Variants in ATP6V0A2 observed in about 807,000 individuals in gnomAD.
ATP6V0A2 encodes V-type proton ATPase 116 kDa subunit a 2.
A neutral mutation model predicts 104.4 loss-of-function variants in ATP6V0A2; 58 were observed. The ratio of observed to expected loss-of-function variants is 0.56; its 90% CI spans 0.45 to 0.69. ATP6V0A2 has a LOEUF of 0.69. ATP6V0A2 is among the 30% of genes least tolerant of loss of function. The probability of loss-of-function intolerance (pLI) is 0.00; values close to 1 mark genes in which losing one functional copy is unlikely to be tolerated. For missense variants in ATP6V0A2, 938 were observed against 1,062.9 expected (o/e 0.88, Z 1.63); for synonymous variants, 376 against 397.9 (o/e 0.95, Z 0.65).
chr12:123,742,451 G>A (rs1202945633), intron 9 of ATP6V0A2, among the ~76,000 whole-genome samples: 1 of 152,168 alleles, frequency 6.6e-6, no homozygotes, highest in Non-Finnish European at 1.5e-5. Flanking sequence ...CTAGCTGGTT[G>A]CACTTTCTGT....
At chr12:123,714,162 T>C (rs991272836) in intron 1 of ATP6V0A2, among the ~76,000 whole-genome samples, 5 of 152,232 alleles carry the variant, frequency 3.3e-5, no homozygotes, top group Non-Finnish European at 5.9e-5. Context: ...ACTTCAGTCT[T>C]ACAGGTTTGA....
At position 123,744,501 on chromosome 12, in the gene ATP6V0A2, T is replaced by G; in HGVS notation, c.1327-96T>G. 6.3e-7 allele frequency: 1 copy of G among 1,583,396 alleles called. No homozygotes were observed. The highest frequency in any genetic ancestry group is 1.1e-5 in the South Asian group (1 of 90,188). ...GGATGTCTGCGGGGCGAGGCTGTTT[T>G]CTGAGAAGTGAGTGGTGAGGGTCGT... On this transcript the variant is annotated intron_variant, in intron 11 of 19. Coordinates refer to ENST00000330342, the MANE Select transcript of ATP6V0A2 (RefSeq NM_012463.4). This position sits in a 1 kb window ranked among gnomAD's most constrained non-coding sequence, Gnocchi z 5.4.
intron 1 of ATP6V0A2, among the ~76,000 whole-genome samples, chr12:123,715,635 A>C (rs1014600966): frequency 2.0e-5 from 3 of 152,232 alleles, no homozygotes; most frequent in Admixed American, 6.5e-5. Flanking sequence ...AAATTGTTGA[A>C]GTATGAAAGT....
intron 9 of ATP6V0A2, among the ~76,000 whole-genome samples, chr12:123,741,302 T>A (rs1956606802): frequency 6.6e-6 from 1 of 151,858 alleles, no homozygotes; most frequent in South Asian, 2.1e-4. Flanking sequence ...AGAAAAAAAA[T>A]TAGCCAGGCA....
intron 5 of ATP6V0A2, 32 bp downstream of exon 5, chr12:123,726,317 A>G: frequency 6.7e-7 from 1 of 1,491,974 alleles, no homozygotes; most frequent in Non-Finnish European, 9.4e-7. Flanking sequence ...GTCAGGCTTC[A>G]TACTGCCCTT....
rs1341702953 is a variant in ATP6V0A2 at position 123,722,349 on chromosome 12, A to G, written c.197-2A>G. On this transcript the variant is annotated splice_acceptor_variant, in intron 2 of 19. Coordinates refer to ENST00000330342, the MANE Select transcript of ATP6V0A2 (RefSeq NM_012463.4). LOFTEE classifies it high-confidence loss of function. ...CTAATTGTTTAACTTTTATTTTCAC[A>G]GTGTATTTGGTACAGGAAATTAATA... 1 of 1,568,620 alleles carries G rather than the reference A, an allele frequency of 6.4e-7. No individual in the cohort carries two copies. Among genetic ancestry groups the G allele is most frequent in the Non-Finnish European group, 8.8e-7 (1 of 1,138,460 alleles).
intron 15 of ATP6V0A2, chr12:123,750,792 T>G: frequency 7.9e-6 from 3 of 377,384 alleles, no homozygotes; most frequent in South Asian, 6.7e-5. Context: ...CTGCTTGTGC[T>G]TATACTTTCT....
chr12:123,744,756 G>C lies in ATP6V0A2; in HGVS notation c.1486G>C (p.Ala496Pro). The change falls in exon 12 of 20, where the codon GCA (alanine) becomes CCA (proline). Residue 496 changes from alanine (A) to proline (P), a missense_variant. Coordinates refer to ENST00000330342, the MANE Select transcript of ATP6V0A2 (RefSeq NM_012463.4). This position sits in a 1 kb window ranked among gnomAD's most constrained non-coding sequence, Gnocchi z 5.4. ...CATGTACAGCTCCAGCCACCCACCC[G>C]CAGAGCATAAGAAGATGGTGCTTTG... ...SAMYSSSHPP[A>P]EHKKMVLWND... 1.2e-6 allele frequency: 2 copies of C among 1,614,146 alleles called. No individual in the cohort carries two copies. Among genetic ancestry groups the C allele is most frequent in the Non-Finnish European group, 1.7e-6 (2 of 1,180,016 alleles).
rs577745729 is a variant in ATP6V0A2 at position 123,744,212 on chromosome 12, A to G, written c.1201A>G (p.Ile401Val). 6.2e-7 allele frequency: 1 copy of G among 1,614,168 alleles called. No homozygotes were observed. The highest frequency in any genetic ancestry group is 1.1e-5 in the South Asian group (1 of 91,084). The part of the protein sequence containing the change: ...YREVNPALFT[I>V]ITFPFLFAVM... ...CCTTTTTTCTGCAGCTCTCTTTACC[A>G]TCATCACCTTCCCGTTTTTATTTGC... is the stretch of plus-strand genomic sequence containing the variant. Residue 401 changes from isoleucine (I) to valine (V), a missense_variant, in exon 11 of 20, where the codon ATC (isoleucine) becomes GTC (valine). By Grantham distance (29) the Ile-to-Val change is conservative (BLOSUM62 3). Transcript: ENST00000330342. This position sits in a 1 kb window ranked among gnomAD's most constrained non-coding sequence, Gnocchi z 5.4.
chr12:123,714,023 G>GGAT (rs1956317589), intron 1 of ATP6V0A2, among the ~76,000 whole-genome samples: 3 of 152,220 alleles, frequency 2.0e-5, no homozygotes, highest in Non-Finnish European at 4.4e-5. Context: ...TTCACCTGAT[G>GGAT]GATGCTGCGC....
intron 6 of ATP6V0A2, 69 bp downstream of exon 6, chr12:123,727,978 G>A: frequency 6.2e-7 from 1 of 1,601,108 alleles, no homozygotes; most frequent in Non-Finnish European, 8.5e-7. Context: ...ATGGTAGAAA[G>A]AATGTTTTTC....
intron 8 of ATP6V0A2, among the ~76,000 whole-genome samples, 191 bp from the exon 9 acceptor site, chr12:123,736,868 T>C (rs1016409352): frequency 7.2e-5 from 11 of 152,180 alleles, no homozygotes; most frequent in African/African-American, 2.7e-4. Context: ...TAGATTTTTC[T>C]GCCCACCTCC....
intron 18 of ATP6V0A2, chr12:123,754,806 C>T (rs1417355202): frequency 6.1e-6 from 3 of 495,058 alleles, no homozygotes; most frequent in Non-Finnish European, 1.1e-5. Flanking sequence ...CACTGAGACA[C>T]AAGGGGCTTT....
chr12:123,733,056 T>A (rs1474836654), intron 6 of ATP6V0A2: 2 of 152,264 alleles, frequency 1.3e-5, no homozygotes, highest in Non-Finnish European at 2.9e-5. Context: ...CTCATGCCTG[T>A]AATCTCAGCA....
At chr12:123,721,451 T>A (rs911014192) in intron 2 of ATP6V0A2, 1 of 155,216 alleles carries the variant, frequency 6.4e-6, no homozygotes, top group Non-Finnish European at 1.4e-5. Context: ...ACCTTTGACC[T>A]CTTGGCAATC....
At position 123,759,516 on chromosome 12, in the gene ATP6V0A2, TTA is replaced by T. The variant is rs1199529955; in HGVS notation, c.*1486_*1487del. 1 of 152,258 alleles carries T rather than the reference TTA, an allele frequency of 6.6e-6. No individual in the cohort carries two copies. The highest frequency in any genetic ancestry group is 2.4e-5 in the African/African-American group (1 of 41,470). 9.4% of individuals were successfully genotyped at this position (152,258 alleles called of 1,614,324 possible). A position where few individuals can be genotyped will look rare whatever the true frequency, so the allele number is the denominator to read the frequency against. On this transcript the variant is annotated 3_prime_UTR_variant, in exon 20 of 20. Coordinates refer to ENST00000330342, the MANE Select transcript of ATP6V0A2 (RefSeq NM_012463.4). ...ACATTTTGACCTATATTCTTGCAAA[TTA>T]TGTTAATTTTTCATATTTTAGTTTG...
At position 123,756,878 on chromosome 12, in the gene ATP6V0A2, G is replaced by A; in HGVS notation, c.2357G>A (p.Gly786Asp). 1 of 1,614,170 alleles carries A rather than the reference G, an allele frequency of 6.2e-7. No homozygotes were observed. The highest frequency in any genetic ancestry group is 8.5e-7 in the Non-Finnish European group (1 of 1,180,038). ...RVGLRVDTTY[G>D]VLLLLPVIAL... ...GGCCTCCGCGTTGACACCACCTATG[G>A]CGTCTTGCTACTGCTCCCGGTTATC... Residue 786 changes from glycine to aspartate, a missense_variant, in exon 19 of 20, where the codon GGC becomes GAC. Coordinates refer to ENST00000330342, the MANE Select transcript of ATP6V0A2 (RefSeq NM_012463.4).
rs1417397137 is a variant in ATP6V0A2, at chr12:123,760,911, TTTTTA to T, written c.*2884_*2888del. On this transcript the variant is annotated 3_prime_UTR_variant, in exon 20 of 20. Coordinates refer to ENST00000330342, the MANE Select transcript of ATP6V0A2 (RefSeq NM_012463.4). The stretch of plus-strand genomic sequence containing the variant: ...CTCAGCAGTTGTTTATTTAAAAATT[TTTTTA>T]TTTTTTTTGAGACAGTGTCTCACTC... 1.3e-5 allele frequency: 2 copies of T among 152,168 alleles called. No individual in the cohort carries two copies. The highest frequency in any genetic ancestry group is 4.8e-5 in the African/African-American group (2 of 41,442). The allele number at this position is 152,168 out of a possible 1,614,324, so 9.4% of individuals were successfully genotyped here.
intron 7 of ATP6V0A2, 95 bp downstream of exon 7, chr12:123,734,103 C>A: frequency 1.0e-6 from 1 of 961,588 alleles, no homozygotes; most frequent in Non-Finnish European, 1.6e-6. Flanking sequence ...AATAGAGTGG[C>A]TGCTAGTTTT....
Sources: gnomAD v4.1 joint callset for allele counts (sites outside exome capture counted in the v4.1 genomes callset) on GRCh38, gnomAD v4.1.1 for gene constraint, Gnocchi (gnomAD v3.1) non-coding constraint, MANE v1.5 for transcripts, NCBI Gene and HGNC (gene_info 2026-07-23, HGNC 2026-07-21) for gene names.